The following MACROD2 variants were observed in gnomAD, a reference collection of about 807,000 sequenced individuals.
MACROD2 encodes the protein ADP-ribose glycohydrolase MACROD2.
In MACROD2, 36 loss-of-function variants were observed where a neutral mutation model predicts 70.4. The observed-to-expected ratio is 0.51, with a 90% confidence interval of 0.39 to 0.68. The LOEUF (loss-of-function observed/expected upper bound fraction) is 0.68, where lower values mean the gene tolerates loss of function less well. Among genes scored for constraint, MACROD2 ranks in the 30% least tolerant of loss-of-function variants. The pLI is 0.00. For synonymous variants in MACROD2, 172 were observed against 178.8 expected (o/e 0.96, Z 0.30); for missense variants, 496 against 538.4 (o/e 0.92, Z 0.78).
intron 5 of MACROD2, among the ~76,000 whole-genome samples, chr20:14,833,372 A>G (rs1905005524): frequency 6.6e-6 from 1 of 152,106 alleles, no homozygotes; most frequent in African/African-American, 2.4e-5. Context: ...CTGCCTTGAT[A>G]CAAGAAAACT....
In MACROD2 at chr20:15,098,746, C is replaced by T. The variant is rs1000609562; in HGVS notation, c.419-131194C>T. On this transcript the variant is annotated intron_variant, in intron 5 of 17. Transcript: ENST00000684519. The stretch of plus-strand genomic sequence containing the variant: ...GGCTCACAGGAACATGAAGGAGGAG[C>T]ACCTAAGGTGGTGATATCTAAATAG... 1.2e-4 allele frequency among the ~76,000 whole-genome samples: 19 copies of T among 152,168 alleles called. 1 individual carries two copies. The highest frequency in any genetic ancestry group is 4.6e-4 in the African/African-American group (19 of 41,444).
intron 6 of MACROD2, among the ~76,000 whole-genome samples, chr20:15,418,100 G>A (rs1338443062): frequency 6.6e-6 from 1 of 152,154 alleles, no homozygotes; most frequent in Admixed American, 6.5e-5. Flanking sequence ...CTTAACCACT[G>A]TGTGACTCTG....
At chr20:15,483,324 T>C (rs915742982) in intron 7 of MACROD2, among the ~76,000 whole-genome samples, 1 of 152,206 alleles carries the variant, frequency 6.6e-6, no homozygotes, top group Non-Finnish European at 1.5e-5. Flanking sequence ...CTTGCTTCAT[T>C]GTAGTGTCTT....
intron 2 of MACROD2, among the ~76,000 whole-genome samples, chr20:14,071,252 G>GTTTTTGTTTTT (rs2053833822): frequency 1.6e-5 from 1 of 63,936 alleles, no homozygotes. Flanking sequence ...TTCATCTTGT[G>GTTTTTGTTTTT]TTTTTTTTTT....
At chr20:15,361,007 GT>G (rs1182290661) in intron 6 of MACROD2, among the ~76,000 whole-genome samples, 2 of 150,906 alleles carry the variant, frequency 1.3e-5, no homozygotes, top group Non-Finnish European at 3.0e-5. Flanking sequence ...CAGTCTGTGT[GT>G]TTTCTCCTCA....
chr20:15,075,038 G>C (rs1271778900), intron 5 of MACROD2, among the ~76,000 whole-genome samples: 3 of 152,140 alleles, frequency 2.0e-5, no homozygotes, highest in African/African-American at 7.2e-5. Flanking sequence ...ATGGTGAGGA[G>C]GTGAAAGGAG....
chr20:14,108,981 G>A (rs112380376), intron 3 of MACROD2, among the ~76,000 whole-genome samples: 4,050 of 152,002 alleles, frequency 0.027, 52 homozygotes, highest in Non-Finnish European at 0.032. Context: ...TCCTCAGCAC[G>A]TGGATCATTC....
At chr20:15,270,625 A>C (rs2077337912) in intron 6 of MACROD2, among the ~76,000 whole-genome samples, 2 of 152,226 alleles carry the variant, frequency 1.3e-5, no homozygotes, top group Non-Finnish European at 2.9e-5. Context: ...GATAAAATTA[A>C]AAAAATACCT....
Position 15,609,439 on chromosome 20 carries a change from G to A in MACROD2, c.645+109592G>A, listed in dbSNP as rs192931723. ...ATTAGCTCACAGCAATATTGGAAAT[G>A]TATTTGACTAAACTGGAACACACCA... On this transcript the variant is annotated intron_variant, in intron 8 of 17. Transcript: ENST00000684519. Among the ~76,000 whole-genome samples the A allele has an allele frequency of 1.2e-4, 19 of 152,338 alleles. No homozygotes were observed. The East Asian group carries it at 3.5e-3, about 28-fold the overall frequency.
At chr20:14,422,871 A>T (rs958823157) in intron 3 of MACROD2, among the ~76,000 whole-genome samples, 3 of 152,334 alleles carry the variant, frequency 2.0e-5, no homozygotes, top group Non-Finnish European at 4.4e-5. Flanking sequence ...TTATCTATTT[A>T]TATGGCTTGA....
At chr20:15,100,047 T>A (rs181694999) in intron 5 of MACROD2, among the ~76,000 whole-genome samples, 26 of 152,292 alleles carry the variant, frequency 1.7e-4, no homozygotes, top group African/African-American at 6.0e-4. Flanking sequence ...TTGTGTTTTG[T>A]GACAGGTAGA....
At chr20:14,190,705 T>TAA (rs2081379937) in intron 3 of MACROD2, among the ~76,000 whole-genome samples, 1 of 38,156 alleles carries the variant, frequency 2.6e-5, no homozygotes, top group Non-Finnish European at 5.7e-5. Flanking sequence ...TATATTTTTT[T>TAA]TTTTTTTTTT....
intron 4 of MACROD2, among the ~76,000 whole-genome samples, chr20:14,588,862 T>C (rs780379987): frequency 1.3e-5 from 2 of 152,260 alleles, no homozygotes; most frequent in Non-Finnish European, 2.9e-5. Flanking sequence ...GCTTTTGATA[T>C]GTTTCTTGTC....
chr20:15,080,134 A>G lies in MACROD2; in HGVS notation c.419-149806A>G, dbSNP rs570802523. 1.3e-4 allele frequency among the ~76,000 whole-genome samples: 18 copies of G among 140,412 alleles called. No homozygotes were observed. The South Asian group carries it at 3.3e-3, about 26-fold the overall frequency. The allele number at this position is 140,412 out of a possible 152,430, so 92.1% of individuals were successfully genotyped here. On this transcript the variant is annotated intron_variant, in intron 5 of 17. Coordinates refer to ENST00000684519, the MANE Select transcript of MACROD2 (RefSeq NM_001351661.2). ...AACAGCCAAATAAATAAATAAATAA[A>G]TAAATAAATAAATAAATAAATAAAT... is the stretch of plus-strand genomic sequence containing the variant.
chr20:14,018,168 T>G (rs1009125834), intron 2 of MACROD2, among the ~76,000 whole-genome samples: 22 of 152,176 alleles, frequency 1.4e-4, no homozygotes, highest in African/African-American at 4.3e-4. Context: ...TTGTGTACTC[T>G]TTCTTATTTT....
chr20:14,578,796 G>C (rs1027320691), intron 4 of MACROD2, among the ~76,000 whole-genome samples: 2 of 152,168 alleles, frequency 1.3e-5, no homozygotes, highest in Non-Finnish European at 2.9e-5. Flanking sequence ...ACCTAAGGCA[G>C]ATAATTCACT....
At chr20:15,935,958 T>A (rs1315487570) in intron 11 of MACROD2, among the ~76,000 whole-genome samples, 1 of 151,960 alleles carries the variant, frequency 6.6e-6, no homozygotes, top group Non-Finnish European at 1.5e-5. Context: ...ATCTAAATGA[T>A]GAGATAGTGA....
intron 8 of MACROD2, among the ~76,000 whole-genome samples, chr20:15,518,864 T>C (rs562699769): frequency 6.6e-6 from 1 of 152,324 alleles, no homozygotes; most frequent in African/African-American, 2.4e-5. Context: ...TTGCTTTCAT[T>C]CTTTTCCAGT....
At chr20:14,742,513 T>C (rs2071745153) in intron 5 of MACROD2, among the ~76,000 whole-genome samples, 2 of 151,986 alleles carry the variant, frequency 1.3e-5, no homozygotes, top group Non-Finnish European at 2.9e-5. Context: ...GTACTTAATA[T>C]AAACTATCAT....
Sources: allele counts gnomAD v4.1 joint callset (sites outside exome capture counted in the v4.1 genomes callset), GRCh38; gene constraint gnomAD v4.1.1; transcripts MANE v1.5; gene names NCBI Gene and HGNC (gene_info 2026-07-23, HGNC 2026-07-21).